MDGA2: variants seen among roughly 807,000 people sequenced by gnomAD.
The protein encoded by MDGA2 is MAM domain containing glycosylphosphatidylinositol anchor 2.
Under a neutral mutation model 117.8 loss-of-function variants are expected in MDGA2, and 40 were observed. The ratio of observed to expected loss-of-function variants is 0.34; its 90% CI spans 0.26 to 0.44. The LOEUF (loss-of-function observed/expected upper bound fraction) is 0.44, where lower values mean the gene tolerates loss of function less well. Ranked by LOEUF, MDGA2 falls within the 20% of genes least tolerant of loss-of-function variation. The pLI is 1.00. For synonymous variants in MDGA2, 452 were observed against 439.0 expected, an observed-to-expected ratio of 1.03 and a Z score of -0.37; for missense variants, 1,123 against 1,250.6, an observed-to-expected ratio of 0.90 and a Z score of 1.54.
intron 3 of MDGA2, among the ~76,000 whole-genome samples, chr14:47,157,478 T>C (rs1409877957): frequency 6.6e-6 from 1 of 152,194 alleles, no homozygotes; most frequent in African/African-American, 2.4e-5. Context: ...TGAACCTTGA[T>C]ATGTCCTGGA....
At chr14:47,377,543 AAACG>A (rs1452017291) in intron 1 of MDGA2, among the ~76,000 whole-genome samples, 2 of 152,124 alleles carry the variant, frequency 1.3e-5, no homozygotes, top group Non-Finnish European at 1.5e-5. Context: ...CAGTCTTAGC[AAACG>A]GCACACCAGG....
intron 2 of MDGA2, among the ~76,000 whole-genome samples, chr14:47,246,748 A>T (rs1029552633): frequency 6.6e-6 from 1 of 151,550 alleles, no homozygotes; most frequent in South Asian, 2.1e-4. Flanking sequence ...AGGAAATAAG[A>T]AGAAAGGTTA....
intron 15 of MDGA2, among the ~76,000 whole-genome samples, chr14:46,846,136 T>TA (rs143248470): frequency 2.6e-5 from 4 of 151,898 alleles, no homozygotes; most frequent in African/African-American, 4.8e-5. Flanking sequence ...ATAATACAAT[T>TA]AAAAAAAATG....
chr14:46,890,976 A>T (rs988303713), intron 10 of MDGA2, among the ~76,000 whole-genome samples: 1 of 152,154 alleles, frequency 6.6e-6, no homozygotes, highest in Non-Finnish European at 1.5e-5. Context: ...TTTGGAAAAA[A>T]GTAAGTTCTT....
intron 1 of MDGA2, among the ~76,000 whole-genome samples, chr14:47,517,257 C>T (rs1333796605): frequency 2.0e-5 from 3 of 152,042 alleles, no homozygotes; most frequent in South Asian, 2.1e-4. Context: ...CTTTTGATGA[C>T]TAAAATCAAG....
At chr14:47,628,805 C>T (rs1012914532) in intron 1 of MDGA2, among the ~76,000 whole-genome samples, 8 of 152,200 alleles carry the variant, frequency 5.3e-5, no homozygotes, top group African/African-American at 7.2e-5. Context: ...CTTTGTGCTA[C>T]GCTTAAGCGT....
At chr14:47,477,255 A>T (rs1396762995) in intron 1 of MDGA2, among the ~76,000 whole-genome samples, 1 of 152,254 alleles carries the variant, frequency 6.6e-6, no homozygotes, top group Non-Finnish European at 1.5e-5. Context: ...ATTGATATTC[A>T]ATCAGTATTC....
Position 47,228,452 on chromosome 14 carries a change from CAATA to C in MDGA2, c.421-10261_421-10258del, listed in dbSNP as rs567708109. On this transcript the variant is annotated intron_variant, in intron 2 of 16. Transcript: ENST00000399232. ...ACTATACTTCAAATTTTGATCTTTT[CAATA>C]AATTACAGTAGATACTCAACACTTT... Among the ~76,000 whole-genome samples, 315 of 152,150 alleles carry C rather than the reference CAATA, an allele frequency of 2.1e-3. 2 individuals are homozygous for C. Among genetic ancestry groups the C allele is most frequent in the African/African-American group, 7.1e-3 (295 of 41,516 alleles).
intron 1 of MDGA2, among the ~76,000 whole-genome samples, chr14:47,655,821 G>A (rs1413796213): frequency 6.6e-6 from 1 of 152,092 alleles, no homozygotes; most frequent in Non-Finnish European, 1.5e-5. Flanking sequence ...CTGTGGCTTA[G>A]GGCAGTTAAA....
intron 14 of MDGA2, 72 bp downstream of exon 14, chr14:46,873,361 T>C: frequency 8.1e-6 from 11 of 1,359,004 alleles, no homozygotes; most frequent in Non-Finnish European, 7.8e-6. Context: ...GTTTTAATGC[T>C]GTGTGTTTAT....
chr14:47,168,281 T>C (rs1883970363), intron 3 of MDGA2, among the ~76,000 whole-genome samples: 1 of 115,336 alleles, frequency 8.7e-6, no homozygotes, highest in African/African-American at 3.4e-5. Context: ...CGGAACTCCA[T>C]CTCAAAAAAA....
intron 1 of MDGA2, among the ~76,000 whole-genome samples, chr14:47,478,724 C>T (rs1437284200): frequency 6.6e-6 from 1 of 152,148 alleles, no homozygotes. Context: ...AGTATCTCTC[C>T]TAGTGACCCT....
chr14:46,992,239 T>A (rs1354451185), intron 8 of MDGA2, among the ~76,000 whole-genome samples: 2 of 152,056 alleles, frequency 1.3e-5, no homozygotes, highest in South Asian at 2.1e-4. Context: ...CTGTAGTAAA[T>A]CTAATTTGGA....
rs1158465465 is a variant in MDGA2, at chr14:46,858,440, T to TG, written c.2753-3287_2753-3286insC. ...TTTTTCTTTTTTTCTTTTTTTTTTT[T>TG]TTTTTGAGACGGAGTCTCGCTCTGT... On this transcript the variant is annotated intron_variant, in intron 14 of 16. Transcript: ENST00000399232. 1.1e-3 allele frequency among the ~76,000 whole-genome samples: 159 copies of TG among 147,248 alleles called. 1 individual carries two copies. Among genetic ancestry groups the TG allele is most frequent in the African/African-American group, 3.8e-3 (154 of 40,358 alleles).
chr14:47,108,301 T>C (rs1880838762), intron 5 of MDGA2, among the ~76,000 whole-genome samples: 1 of 152,144 alleles, frequency 6.6e-6, no homozygotes, highest in Non-Finnish European at 1.5e-5. Context: ...CTTATTAATA[T>C]AAGAAGGCAG....
intron 5 of MDGA2, among the ~76,000 whole-genome samples, chr14:47,120,775 C>G (rs1881608133): frequency 6.6e-6 from 1 of 152,176 alleles, no homozygotes; most frequent in Admixed American, 6.5e-5. Flanking sequence ...CCAATCTTCT[C>G]TCCTGTTAGT....
chr14:47,343,045 G>GT, intron 1 of MDGA2: 1 of 1,285,836 alleles, frequency 7.8e-7, no homozygotes, highest in Non-Finnish European at 1.0e-6. Context: ...CAGCACTACC[G>GT]TGAGTCCTGC....
intron 1 of MDGA2, among the ~76,000 whole-genome samples, chr14:47,400,979 GATCT>G (rs1457127156): frequency 2.0e-5 from 3 of 151,128 alleles, no homozygotes; most frequent in Non-Finnish European, 4.4e-5. Context: ...GGATGGTCTT[GATCT>G]CCTGACCTCA....
At chr14:46,934,023 C>G (rs560911272) in intron 9 of MDGA2, among the ~76,000 whole-genome samples, 2 of 151,370 alleles carry the variant, frequency 1.3e-5, no homozygotes, top group Admixed American at 6.6e-5. Flanking sequence ...AGTTAAGAAT[C>G]TTATCCAAAA....
Sources: allele counts gnomAD v4.1 joint callset (sites outside exome capture counted in the v4.1 genomes callset), GRCh38; gene constraint gnomAD v4.1.1; transcripts MANE v1.5; gene names NCBI Gene and HGNC (gene_info 2026-07-23, HGNC 2026-07-21).